Variants in SRSF3 observed in about 807,000 individuals in gnomAD.
SRSF3 encodes the protein serine and arginine rich splicing factor 3.
For synonymous variants in SRSF3, 87 were observed against 73.6 expected (o/e 1.18, Z -0.93); for missense variants, 58 against 217.1 (o/e 0.27, Z 4.61).
intron 4 of SRSF3, 34 bp from the exon 5 acceptor site, chr6:36,601,674 C>G: frequency 6.6e-7 from 1 of 1,524,680 alleles, no homozygotes; most frequent in South Asian, 1.2e-5. Flanking sequence ...TTTTATCATA[C>G]CTCATTGGTC....
intron 2 of SRSF3, chr6:36,597,287 G>A (rs904000827): frequency 3.4e-5 from 11 of 325,080 alleles, no homozygotes; most frequent in Middle Eastern, 9.6e-4. Flanking sequence ...TGTATTTCTA[G>A]CAGAGATGGG....
At chr6:36,598,149 G>A (rs1175587879) in intron 2 of SRSF3, among the ~76,000 whole-genome samples, 1 of 152,078 alleles carries the variant, frequency 6.6e-6, no homozygotes, top group Admixed American at 6.6e-5. Context: ...ATAAGTGCAG[G>A]GACTTCAAGG....
chr6:36,598,082 T>C (rs1417820408), intron 2 of SRSF3, among the ~76,000 whole-genome samples: 1 of 152,140 alleles, frequency 6.6e-6, no homozygotes, highest in African/African-American at 2.4e-5. Flanking sequence ...TGAACTGATT[T>C]TTTACTTGGA....
chr6:36,597,722 C>T (rs1476056253), intron 2 of SRSF3, among the ~76,000 whole-genome samples: 1 of 151,506 alleles, frequency 6.6e-6, no homozygotes, highest in Non-Finnish European at 1.5e-5. Context: ...TTCCAGGGCC[C>T]ACCTCTTCCC....
At chr6:36,594,912 C>A (rs761586947) in intron 1 of SRSF3, among the ~76,000 whole-genome samples, 1 of 151,944 alleles carries the variant, frequency 6.6e-6, no homozygotes, top group African/African-American at 2.4e-5. Context: ...CATGTAGTTT[C>A]AGATTTTGCA....
intron 1 of SRSF3, among the ~76,000 whole-genome samples, chr6:36,596,463 A>G (rs4140594): frequency 0.076 from 11,416 of 149,626 alleles, 973 homozygotes; most frequent in Admixed American, 0.18. Flanking sequence ...CACGGCCCAG[A>G]TGGTGGTAAA....
At chr6:36,601,685 C>T (rs1279432005) in intron 4 of SRSF3, 23 bp from the exon 5 acceptor site, 1 of 1,571,756 alleles carries the variant, frequency 6.4e-7, no homozygotes, top group Non-Finnish European at 8.7e-7. Flanking sequence ...CTCATTGGTC[C>T]TAATGTTTTT....
chr6:36,598,783 C>T (rs1778672459), intron 2 of SRSF3, 66 bp from the exon 3 acceptor site: 3 of 1,576,988 alleles, frequency 1.9e-6, no homozygotes, highest in Non-Finnish European at 2.6e-6. Flanking sequence ...ACTGAGAGTA[C>T]TTTTGGCTTT....
chr6:36,596,573 G>T (rs1778631278), intron 1 of SRSF3, among the ~76,000 whole-genome samples, 188 bp from the exon 2 acceptor site: 1 of 56,276 alleles, frequency 1.8e-5, no homozygotes. Flanking sequence ...GGGCGGGGTG[G>T]CGGGGGGGGG....
Position 36,603,713 on chromosome 6 carries a change from T to C in SRSF3, c.*1724T>C, listed in dbSNP as rs1281010763. On this transcript the variant is annotated 3_prime_UTR_variant, in exon 6 of 6. Transcript: ENST00000373715. Reference sequence around the variant, plus strand: ...GCTCTGGCATTGGGCATTTTGTCTTTAGTATTCTCACATAGCCTACAACCT... The same window carrying C: ...GCTCTGGCATTGGGCATTTTGTCTTCAGTATTCTCACATAGCCTACAACCT... 4 of 230,712 alleles carry C rather than the reference T, an allele frequency of 1.7e-5. No homozygotes were observed. The highest frequency in any genetic ancestry group is 1.8e-4 in the South Asian group (1 of 5,510). 14.3% of individuals were successfully genotyped at this position (230,712 alleles called of 1,614,324 possible). A position where few individuals can be genotyped will look rare whatever the true frequency, so the allele number is the denominator to read the frequency against.
intron 2 of SRSF3, chr6:36,598,599 G>T: frequency 2.5e-6 from 1 of 395,360 alleles, no homozygotes; most frequent in Non-Finnish European, 4.6e-6. Context: ...GGCCAAGATA[G>T]TGTCGAACTC....
rs1360456608 is a variant in SRSF3 at position 36,601,755 on chromosome 6, G to A, written c.428G>A (p.Arg143Lys). Residue 143 changes from arginine (R) to lysine (K), a missense_variant, in exon 5 of 6, where the codon AGA becomes AAA. Arg to Lys is a conservative substitution (Grantham distance 26). Transcript: ENST00000373715. ...AGAGAGAGATCGCTGTCTCGGGAGA[G>A]AAATCACAAGCCGTCCCGATCCTTC... ...RRRERSLSRE[R>K]NHKPSRSFSR... 6.2e-7 allele frequency: 1 copy of A among 1,610,536 alleles called. No individual in the cohort carries two copies. Among genetic ancestry groups the A allele is most frequent in the African/African-American group, 1.3e-5 (1 of 74,846 alleles).
intron 2 of SRSF3, chr6:36,598,496 G>A (rs1346043918): frequency 1.0e-5 from 2 of 199,104 alleles, no homozygotes; most frequent in Non-Finnish European, 2.1e-5. Flanking sequence ...TGATTCTCCT[G>A]CCTCAGCCGC....
intron 1 of SRSF3, among the ~76,000 whole-genome samples, chr6:36,595,748 T>C (rs1311391409): frequency 6.6e-6 from 1 of 152,224 alleles, no homozygotes; most frequent in Admixed American, 6.5e-5. Context: ...GGTTAACATC[T>C]TTGGGCTACT....
At chr6:36,601,454 C>A (rs763268590) in intron 4 of SRSF3, 2 of 565,430 alleles carry the variant, frequency 3.5e-6, no homozygotes, top group African/African-American at 1.9e-5. Context: ...TTGGAGTGAT[C>A]CTCCCTCTTC....
chr6:36,601,014 TTTTTTTTTTTTTG>T, intron 3 of SRSF3, 125 bp from the exon 4 acceptor site: 1 of 314,842 alleles, frequency 3.2e-6, no homozygotes, highest in Non-Finnish European at 5.2e-6. Context: ...TTTTTTTTTT[TTTTTTTTTTTTTG>T]GACGATGGGT....
intron 4 of SRSF3, 23 bp from the exon 5 acceptor site, chr6:36,601,685 C>G (rs1279432005): frequency 6.4e-7 from 1 of 1,571,756 alleles, no homozygotes; most frequent in East Asian, 2.3e-5. Flanking sequence ...CTCATTGGTC[C>G]TAATGTTTTT....
At chr6:36,597,166 A>G (rs1486300673) in intron 2 of SRSF3, 198 bp downstream of exon 2, 5 of 578,052 alleles carry the variant, frequency 8.6e-6, no homozygotes, top group South Asian at 4.2e-5. Flanking sequence ...GTGCAGTGGT[A>G]CAGTCTCCCG....
chr6:36,600,598 A>G (rs1778695321), intron 3 of SRSF3: 1 of 152,648 alleles, frequency 6.6e-6, no homozygotes. Context: ...TTTGGGGTTG[A>G]AGTGTGGGCC....
Sources: allele counts gnomAD v4.1 joint callset (sites outside exome capture counted in the v4.1 genomes callset), GRCh38; gene constraint gnomAD v4.1.1; transcripts MANE v1.5; gene names NCBI Gene and HGNC (gene_info 2026-07-23, HGNC 2026-07-21).